Variants in LRP8 observed in about 807,000 individuals in gnomAD.
The protein encoded by LRP8 is low-density lipoprotein receptor-related protein 8.
LRP8 carries 46 observed loss-of-function variants against 111.6 expected under a neutral mutation model. The ratio of observed to expected loss-of-function variants is 0.41; its 90% CI spans 0.33 to 0.53. The LOEUF (loss-of-function observed/expected upper bound fraction) is 0.53, where lower values mean the gene tolerates loss of function less well. Ranked by LOEUF, LRP8 falls within the 20% of genes least tolerant of loss-of-function variation. LRP8 has a pLI of 0.20. For missense variants in LRP8, 959 were observed against 1,297.4 expected, an observed-to-expected ratio of 0.74 and a Z score of 4.01; for synonymous variants, 464 against 511.2, an observed-to-expected ratio of 0.91 and a Z score of 1.24.
intron 2 of LRP8, among the ~76,000 whole-genome samples, chr1:53,291,115 C>A (rs1648668728): frequency 6.6e-6 from 1 of 152,142 alleles, no homozygotes; most frequent in African/African-American, 2.4e-5. Context: ...ACATCATGGC[C>A]CTTTTCTGGC....
intron 12 of LRP8, among the ~76,000 whole-genome samples, chr1:53,261,568 G>T (rs1426256491): frequency 6.6e-6 from 1 of 152,218 alleles, no homozygotes; most frequent in African/African-American, 2.4e-5. Context: ...GCACAGGAGG[G>T]TCTTCGCTCC....
chr1:53,318,896 C>G (rs554184541), intron 2 of LRP8, among the ~76,000 whole-genome samples: 1 of 152,318 alleles, frequency 6.6e-6, no homozygotes, highest in South Asian at 2.1e-4. Flanking sequence ...GAACTACCTT[C>G]GTCCAAGCTG....
intron 2 of LRP8, among the ~76,000 whole-genome samples, chr1:53,290,972 A>C (rs1052811235): frequency 1.3e-5 from 2 of 152,148 alleles, no homozygotes; most frequent in African/African-American, 4.8e-5. Context: ...TTGAACTCAC[A>C]CATGCCCTGT....
chr1:53,327,524 C>A, intron 1 of LRP8: 1 of 385,454 alleles, frequency 2.6e-6, no homozygotes, highest in Non-Finnish European at 4.4e-6. Flanking sequence ...AATGGCCGCC[C>A]CTCCGGCAAA....
chr1:53,290,398 C>T (rs997784928), intron 2 of LRP8, among the ~76,000 whole-genome samples: 51 of 152,236 alleles, frequency 3.4e-4, no homozygotes, highest in African/African-American at 1.1e-3. Flanking sequence ...AGACAAAAGG[C>T]GGTGAGGAGG....
At chr1:53,282,455 G>A (rs1466039052) in intron 3 of LRP8, among the ~76,000 whole-genome samples, 1 of 152,148 alleles carries the variant, frequency 6.6e-6, no homozygotes, top group African/African-American at 2.4e-5. Context: ...TGCAGTGCAG[G>A]GTGGTGAAGG....
rs545178154 is a variant in LRP8, at chr1:53,243,970, G to C, written c.*3048C>G. The C allele has an allele frequency of 6.6e-6, 1 of 152,200 alleles. No individual in the cohort carries two copies. The highest frequency in any genetic ancestry group is 6.5e-5 in the Admixed American group (1 of 15,272). The allele number at this position is 152,200 out of a possible 1,614,324, so 9.4% of individuals were successfully genotyped here. ...GTGCCAGGTGTGTAGTTGGTATCTA[G>C]TGAGTGGTTTTAGTGAATGAATATA... On this transcript the variant is annotated 3_prime_UTR_variant, in exon 19 of 19. Transcript: ENST00000306052.
At chr1:53,276,635 ATCGGATAGCG>A in intron 5 of LRP8, 47 bp downstream of exon 5, 1 of 1,365,130 alleles carries the variant, frequency 7.3e-7, no homozygotes, top group South Asian at 1.3e-5. Context: ...GCGGATCCGG[ATCGGATAGCG>A]GATCCGCAAT....
At chr1:53,315,534 C>T (rs973642174) in intron 2 of LRP8, among the ~76,000 whole-genome samples, 5 of 152,216 alleles carry the variant, frequency 3.3e-5, no homozygotes, top group African/African-American at 9.7e-5. Flanking sequence ...TAGGGCCCCA[C>T]ATCTGGGAAG....
chr1:53,310,150 G>A (rs75234341), intron 2 of LRP8, among the ~76,000 whole-genome samples: 3,000 of 152,262 alleles, frequency 0.02, 92 homozygotes, highest in African/African-American at 0.069. Flanking sequence ...CCCAGTTGGA[G>A]TCTTGGTGTC....
chr1:53,286,796 A>C (rs1647627608), intron 3 of LRP8, among the ~76,000 whole-genome samples: 1 of 152,278 alleles, frequency 6.6e-6, no homozygotes, highest in Non-Finnish European at 1.5e-5. Flanking sequence ...ACACTGTAAG[A>C]ATCTAACATC....
chr1:53,277,701 G>A (rs566981678), intron 4 of LRP8, among the ~76,000 whole-genome samples: 65 of 152,338 alleles, frequency 4.3e-4, no homozygotes, highest in African/African-American at 1.5e-3. Context: ...GCAATGATGA[G>A]CTCTCATCTT....
At position 53,250,574 on chromosome 1, in the gene LRP8, C is replaced by CGGAAGGAAGGAAGGGAG; in HGVS notation, c.2676+99_2676+115dup. 1 of 837,994 alleles carries CGGAAGGAAGGAAGGGAG rather than the reference C, an allele frequency of 1.2e-6. No individual in the cohort carries two copies. Among genetic ancestry groups the CGGAAGGAAGGAAGGGAG allele is most frequent in the Non-Finnish European group, 1.9e-6 (1 of 537,722 alleles). The allele number at this position is 837,994 out of a possible 1,614,324, so 51.9% of individuals were successfully genotyped here. ...CGGAAGGAAAGGAGGGAGGGAAGGA[C>CGGAAGGAAGGAAGGGAG]GGAAGGAAGGAAGGGAGGGAAGAAA... On this transcript the variant is annotated intron_variant, in intron 17 of 18. Transcript: ENST00000306052. This position sits in a 1 kb window ranked among gnomAD's most constrained non-coding sequence, Gnocchi z 4.6.
At chr1:53,318,174 G>A (rs538460347) in intron 2 of LRP8, among the ~76,000 whole-genome samples, 1 of 152,266 alleles carries the variant, frequency 6.6e-6, no homozygotes, top group Admixed American at 6.5e-5. Flanking sequence ...GAATTAGAAC[G>A]CTGCGGAGGA....
chr1:53,327,807 G>T lies in LRP8; in HGVS notation c.106C>A (p.Pro36Thr). 1 of 1,512,496 alleles carries T rather than the reference G, an allele frequency of 6.6e-7. No homozygotes were observed. Among genetic ancestry groups the T allele is most frequent in the Non-Finnish European group, 8.8e-7 (1 of 1,136,500 alleles). The allele number at this position is 1,512,496 out of a possible 1,614,324, so 93.7% of individuals were successfully genotyped here. Residue 36 changes from proline (P) to threonine (T), a missense_variant, in exon 1 of 19, where the codon CCG becomes ACG. Pro to Thr is a conservative substitution (Grantham distance 38). Coordinates refer to ENST00000306052, the MANE Select transcript of LRP8 (RefSeq NM_004631.5). ...LQHLAAAAADPLLGGQGPAKD... is the reference protein window; with the variant it reads ...LQHLAAAAADTLLGGQGPAKD... Reference sequence around the variant, plus strand: ...CACGCACCTTGGCCGCCGAGCAGCGGATCAGCCGCTGCCGCCGCAAGATGC... The same window carrying T: ...CACGCACCTTGGCCGCCGAGCAGCGTATCAGCCGCTGCCGCCGCAAGATGC...
intron 9 of LRP8, among the ~76,000 whole-genome samples, chr1:53,264,808 G>A (rs1440714134): frequency 6.6e-6 from 1 of 152,172 alleles, no homozygotes; most frequent in Non-Finnish European, 1.5e-5. Flanking sequence ...AACAAGAAAG[G>A]CTTGTGCAAA....
intron 2 of LRP8, among the ~76,000 whole-genome samples, chr1:53,323,853 C>G (rs890576065): frequency 3.9e-5 from 6 of 152,220 alleles, no homozygotes; most frequent in Non-Finnish European, 5.9e-5. Flanking sequence ...AAATGGTAAA[C>G]TCTGGGGGAA....
intron 3 of LRP8, 129 bp downstream of exon 3, chr1:53,289,438 C>T: frequency 7.8e-7 from 1 of 1,280,136 alleles, no homozygotes; most frequent in Non-Finnish European, 1.0e-6. Flanking sequence ...ATCTGTTTAC[C>T]AGGAGCGCCC....
At chr1:53,312,825 G>A (rs1223934694) in intron 2 of LRP8, among the ~76,000 whole-genome samples, 2 of 152,152 alleles carry the variant, frequency 1.3e-5, no homozygotes, top group East Asian at 3.9e-4. Context: ...CTGAGATGCA[G>A]GATGTTGAGT....
Sources: allele counts gnomAD v4.1 joint callset (sites outside exome capture counted in the v4.1 genomes callset), GRCh38; gene constraint gnomAD v4.1.1; non-coding constraint Gnocchi (gnomAD v3.1); transcripts MANE v1.5; gene names NCBI Gene and HGNC (gene_info 2026-07-23, HGNC 2026-07-21).